Variants in IQSEC1 observed in about 807,000 individuals in gnomAD.
IQSEC1 encodes the protein IQ motif and Sec7 domain ArfGEF 1.
Under a neutral mutation model 91.0 loss-of-function variants are expected in IQSEC1, and 31 were observed. The ratio of observed to expected loss-of-function variants is 0.34; its 90% CI spans 0.26 to 0.46. IQSEC1 has a LOEUF of 0.46. IQSEC1 is among the 20% of genes least tolerant of loss of function. The pLI is 1.00. For synonymous variants in IQSEC1, 699 were observed against 662.6 expected, an observed-to-expected ratio of 1.05 and a Z score of -0.84; for missense variants, 1,388 against 1,575.6, an observed-to-expected ratio of 0.88 and a Z score of 2.02.
intron 1 of IQSEC1, among the ~76,000 whole-genome samples, chr3:13,003,451 A>C (rs996566738): frequency 2.6e-5 from 4 of 152,186 alleles, no homozygotes; most frequent in African/African-American, 9.7e-5. Flanking sequence ...AGAGACAAAA[A>C]GTGGTTGTTG....
chr3:13,061,021 G>A (rs1281590420), intron 1 of IQSEC1, among the ~76,000 whole-genome samples: 5 of 152,106 alleles, frequency 3.3e-5, no homozygotes, highest in African/African-American at 9.7e-5. Context: ...TACCTCCTAC[G>A]TGAGCACTCA....
chr3:13,165,538 GTGTGTGT>G, intron 1 of IQSEC1, among the ~76,000 whole-genome samples: 3 of 22,172 alleles, frequency 1.4e-4, no homozygotes, highest in Admixed American at 3.8e-4. Context: ...GGGGGGTGGC[GTGTGTGT>G]GTGTGTGTGT....
intron 1 of IQSEC1, among the ~76,000 whole-genome samples, chr3:13,266,820 G>A (rs917859647): frequency 2.0e-5 from 3 of 152,116 alleles, no homozygotes; most frequent in Non-Finnish European, 4.4e-5. Context: ...CAGCCAGGCG[G>A]TCCTTCTAGC....
chr3:13,233,994 T>G (rs1382144560), intron 1 of IQSEC1, among the ~76,000 whole-genome samples: 1 of 152,216 alleles, frequency 6.6e-6, no homozygotes, highest in Non-Finnish European at 1.5e-5. Context: ...TGGGGGCTGC[T>G]GCAATGACTG....
chr3:12,926,579 T>C (rs1697158030), intron 3 of IQSEC1, among the ~76,000 whole-genome samples: 1 of 152,192 alleles, frequency 6.6e-6, no homozygotes. Context: ...CCCCCTTGCC[T>C]CATGGCACAC....
At chr3:13,175,547 T>C (rs1693709935) in intron 1 of IQSEC1, among the ~76,000 whole-genome samples, 1 of 152,234 alleles carries the variant, frequency 6.6e-6, no homozygotes, top group African/African-American at 2.4e-5. Context: ...GCCACACTCC[T>C]CCTTTCAACC....
intron 3 of IQSEC1, among the ~76,000 whole-genome samples, chr3:12,926,351 G>A (rs995401006): frequency 6.6e-6 from 1 of 152,136 alleles, no homozygotes; most frequent in Non-Finnish European, 1.5e-5. Flanking sequence ...TGGTGTGAGA[G>A]GGCTTTGAAG....
At position 12,908,720 on chromosome 3, in the gene IQSEC1, G is replaced by A. The variant is rs1695260110; in HGVS notation, c.2579-195C>T. 6.6e-6 allele frequency among the ~76,000 whole-genome samples: 1 copy of A among 152,066 alleles called. No homozygotes were observed. The highest frequency in any genetic ancestry group is 1.5e-5 in the Non-Finnish European group (1 of 67,990). On this transcript the variant is annotated intron_variant, in intron 11 of 13. Transcript: ENST00000613206. The surrounding 1 kb of genome is among the most constrained non-coding windows in gnomAD (Gnocchi z 4.9). The stretch of plus-strand genomic sequence containing the variant: ...AAAGGAGATCCCAGGAGGGAGGCTA[G>A]AGAGACCAGAGGGCCTTGTGACCTG...
intron 1 of IQSEC1, among the ~76,000 whole-genome samples, chr3:12,966,959 G>C (rs2125519454): frequency 6.6e-6 from 1 of 152,110 alleles, no homozygotes; most frequent in South Asian, 2.1e-4. Flanking sequence ...AACAGGCACA[G>C]ACCCGCTGGG....
intron 1 of IQSEC1, among the ~76,000 whole-genome samples, chr3:12,969,543 G>C (rs938286176): frequency 6.6e-6 from 1 of 152,214 alleles, no homozygotes; most frequent in African/African-American, 2.4e-5. Flanking sequence ...GGAGAGGATA[G>C]GGTACACATG....
At chr3:13,031,293 C>A (rs568518304) in intron 1 of IQSEC1, among the ~76,000 whole-genome samples, 1 of 152,370 alleles carries the variant, frequency 6.6e-6, no homozygotes, top group South Asian at 2.1e-4. Flanking sequence ...TGGTGACAAG[C>A]CTGGGGGCAG....
chr3:13,226,673 C>G (rs1242797629), intron 1 of IQSEC1, among the ~76,000 whole-genome samples: 1 of 152,182 alleles, frequency 6.6e-6, no homozygotes, highest in Non-Finnish European at 1.5e-5. Context: ...ATTCTCCACA[C>G]TCCTTCAATA....
At chr3:13,268,132 G>A (rs762627107) in intron 1 of IQSEC1, among the ~76,000 whole-genome samples, 2 of 152,148 alleles carry the variant, frequency 1.3e-5, no homozygotes, top group Admixed American at 6.5e-5. Context: ...GTTCTGTCAC[G>A]GCCAATGCAC....
intron 1 of IQSEC1, among the ~76,000 whole-genome samples, chr3:13,026,156 G>A (rs963778660): frequency 1.3e-5 from 2 of 152,304 alleles, no homozygotes; most frequent in South Asian, 2.1e-4. Context: ...CTCTGTCCTC[G>A]CTTCCTGTGC....
At chr3:13,218,535 G>A (rs376518308) in intron 1 of IQSEC1, among the ~76,000 whole-genome samples, 1 of 152,218 alleles carries the variant, frequency 6.6e-6, no homozygotes, top group East Asian at 1.9e-4. Flanking sequence ...CATAGTGGCT[G>A]CACTAACACA....
chr3:12,918,060 C>T (rs1357070467), intron 6 of IQSEC1, among the ~76,000 whole-genome samples: 2 of 152,234 alleles, frequency 1.3e-5, no homozygotes, highest in Non-Finnish European at 1.5e-5. Context: ...ACCAGGCTGG[C>T]TCCAGGAGTC....
At chr3:13,277,799 CCTCA>C (rs1362583953) in intron 1 of IQSEC1, among the ~76,000 whole-genome samples, 1 of 152,310 alleles carries the variant, frequency 6.6e-6, no homozygotes, top group East Asian at 1.9e-4. Flanking sequence ...GCCCTCTCGG[CCTCA>C]CTCAGTCTCT....
Position 12,899,790 on chromosome 3 carries a change from A to T in IQSEC1, c.*1193T>A. 7.1e-6 allele frequency: 7 copies of T among 984,758 alleles called. No individual in the cohort carries two copies. Among genetic ancestry groups the T allele is most frequent in the Non-Finnish European group, 8.4e-6 (7 of 829,766 alleles). 61.0% of individuals were successfully genotyped at this position (984,758 alleles called of 1,614,324 possible). On this transcript the variant is annotated 3_prime_UTR_variant, in exon 14 of 14. Coordinates refer to ENST00000613206, the MANE Select transcript of IQSEC1 (RefSeq NM_001134382.3). ...TTCGAGAGTGGTTCCTGATGAAAAC[A>T]CTCTCTGAGGGCTTCGGCCTGGTGT...
At chr3:12,934,652 G>A (rs1364934089) in intron 3 of IQSEC1, among the ~76,000 whole-genome samples, 2 of 152,282 alleles carry the variant, frequency 1.3e-5, no homozygotes, top group East Asian at 3.9e-4. Context: ...AGAAATCTCA[G>A]GTTGGACAGG....
Sources: allele counts gnomAD v4.1 joint callset (sites outside exome capture counted in the v4.1 genomes callset), GRCh38; gene constraint gnomAD v4.1.1; non-coding constraint Gnocchi (gnomAD v3.1); transcripts MANE v1.5; gene names NCBI Gene and HGNC (gene_info 2026-07-23, HGNC 2026-07-21).